The following ESR1 variants were observed in gnomAD, a reference collection of about 807,000 sequenced individuals.
The protein encoded by ESR1 is estrogen receptor 1, also known as estrogen receptor.
ESR1 carries 12 observed loss-of-function variants against 52.7 expected under a neutral mutation model. The ratio of observed to expected loss-of-function variants is 0.23; its 90% CI spans 0.15 to 0.37. The LOEUF (loss-of-function observed/expected upper bound fraction) is 0.37, where lower values mean the gene tolerates loss of function less well. ESR1 is among the 10% of genes least tolerant of loss of function. The pLI is 1.00. For synonymous variants in ESR1, 305 were observed against 316.8 expected (o/e 0.96, Z 0.39); for missense variants, 584 against 779.7 (o/e 0.75, Z 2.99).
chr6:151,981,915 A>G (rs536838162), intron 4 of ESR1, among the ~76,000 whole-genome samples: 1 of 152,346 alleles, frequency 6.6e-6, no homozygotes, highest in South Asian at 2.1e-4. Context: ...TCAGATGTAA[A>G]CATCAAGCTA....
chr6:151,670,738 T>TA (rs1399498651), intron 1 of ESR1, among the ~76,000 whole-genome samples: 1 of 150,506 alleles, frequency 6.6e-6, no homozygotes, highest in African/African-American at 2.4e-5. Flanking sequence ...CTTGCGCCGT[T>TA]ACACCCAGCT....
chr6:151,915,945 T>C lies in ESR1; in HGVS notation c.761-28228T>C, dbSNP rs544769677. 1.4e-3 allele frequency among the ~76,000 whole-genome samples: 206 copies of C among 152,284 alleles called. 2 individuals are homozygous for C. Among genetic ancestry groups the C allele is most frequent in the Non-Finnish European group, 9.4e-4 (64 of 68,020 alleles). On this transcript the variant is annotated intron_variant, in intron 3 of 7. Transcript: ENST00000206249. The stretch of plus-strand genomic sequence containing the variant: ...GACAAATATTCTGGAGCAGTATATA[T>C]TTAGCATTTGACATTTGATAAACAA...
chr6:151,668,719 C>T (rs1479449160), intron 1 of ESR1, among the ~76,000 whole-genome samples: 1 of 152,182 alleles, frequency 6.6e-6, no homozygotes, highest in Admixed American at 6.5e-5. Context: ...GGAGGGTGCA[C>T]ATTCAAACCA....
At chr6:151,736,644 G>A (rs921126779) in intron 2 of ESR1, among the ~76,000 whole-genome samples, 5 of 152,088 alleles carry the variant, frequency 3.3e-5, no homozygotes, top group African/African-American at 9.7e-5. Context: ...CTCCTAAAGT[G>A]CTGGTATTAC....
chr6:151,752,460 T>A (rs1443123101), intron 2 of ESR1, among the ~76,000 whole-genome samples: 1 of 149,126 alleles, frequency 6.7e-6, no homozygotes, highest in Non-Finnish European at 1.5e-5. Flanking sequence ...ATATCTATAC[T>A]GCAACTGCTT....
chr6:152,089,127 G>T (rs2049978155), intron 6 of ESR1, among the ~76,000 whole-genome samples: 1 of 152,136 alleles, frequency 6.6e-6, no homozygotes, highest in Non-Finnish European at 1.5e-5. Context: ...AAAAAAACAT[G>T]TAAGAGGCTA....
intron 2 of ESR1, among the ~76,000 whole-genome samples, chr6:151,774,266 T>G (rs2085456817): frequency 6.6e-6 from 1 of 152,252 alleles, no homozygotes; most frequent in Non-Finnish European, 1.5e-5. Context: ...TTGGTCACAT[T>G]GAAAGGTTCC....
chr6:152,077,960 G>A (rs3020378), intron 6 of ESR1, among the ~76,000 whole-genome samples: 1 of 152,016 alleles, frequency 6.6e-6, no homozygotes, highest in Non-Finnish European at 1.5e-5. Context: ...AGACTTTGGG[G>A]GACTGTTGGG....
At chr6:151,679,232 AG>A (rs1778366274) in intron 1 of ESR1, among the ~76,000 whole-genome samples, 1 of 152,142 alleles carries the variant, frequency 6.6e-6, no homozygotes, top group Non-Finnish European at 1.5e-5. Context: ...CATATCTCCA[AG>A]GCAATGCCTC....
intron 4 of ESR1, among the ~76,000 whole-genome samples, chr6:151,963,444 C>G (rs1351890527): frequency 6.6e-6 from 1 of 152,196 alleles, no homozygotes; most frequent in Non-Finnish European, 1.5e-5. Context: ...GTTGGTATCC[C>G]AAAGTGTGAA....
At chr6:151,967,695 T>C (rs2038427993) in intron 4 of ESR1, among the ~76,000 whole-genome samples, 1 of 152,230 alleles carries the variant, frequency 6.6e-6, no homozygotes, top group Non-Finnish European at 1.5e-5. Flanking sequence ...TTTGGGTATA[T>C]ACCCAGTAAT....
At chr6:152,122,593 C>A in intron 6 of ESR1, 1 of 1,614,176 alleles carries the variant, frequency 6.2e-7, no homozygotes, top group Non-Finnish European at 8.5e-7. Context: ...AAGAGCTGCT[C>A]GGAGGACTCT....
chr6:151,729,662 C>G (rs1782096989), intron 2 of ESR1, among the ~76,000 whole-genome samples: 1 of 152,112 alleles, frequency 6.6e-6, no homozygotes, highest in African/African-American at 2.4e-5. Context: ...CATGGCAAGC[C>G]TGTGTGGTAG....
chr6:152,009,516 G>A (rs912558035), intron 4 of ESR1, among the ~76,000 whole-genome samples: 4 of 152,032 alleles, frequency 2.6e-5, no homozygotes, highest in African/African-American at 9.7e-5. Context: ...TAAAACCACC[G>A]TTCCTGTGTG....
chr6:151,811,560 G>A (rs1778839712), intron 1 of ESR1, among the ~76,000 whole-genome samples: 1 of 152,068 alleles, frequency 6.6e-6, no homozygotes, highest in African/African-American at 2.4e-5. Context: ...CTGGCCATCT[G>A]CATATTTTGG....
At chr6:151,772,129 G>C (rs1346921026) in intron 2 of ESR1, among the ~76,000 whole-genome samples, 1 of 152,144 alleles carries the variant, frequency 6.6e-6, no homozygotes, top group Non-Finnish European at 1.5e-5. Context: ...GTTTCTAACA[G>C]GGCAGTACAC....
At chr6:151,930,921 G>A (rs1279134495) in intron 3 of ESR1, among the ~76,000 whole-genome samples, 3 of 152,116 alleles carry the variant, frequency 2.0e-5, no homozygotes, top group African/African-American at 7.2e-5. Context: ...ATGGTTAGGT[G>A]CTTCCCTGCC....
intron 5 of ESR1, among the ~76,000 whole-genome samples, chr6:152,018,544 G>T (rs2043347199): frequency 6.6e-6 from 1 of 151,972 alleles, no homozygotes; most frequent in African/African-American, 2.4e-5. Context: ...TGAAAAATGG[G>T]TGGTACACTC....
At chr6:151,952,383 A>G (rs2036423928) in intron 4 of ESR1, among the ~76,000 whole-genome samples, 1 of 151,946 alleles carries the variant, frequency 6.6e-6, no homozygotes, top group Non-Finnish European at 1.5e-5. Flanking sequence ...AAGTCAGACA[A>G]TCTCCTTGGC....
Sources: gnomAD v4.1 joint callset for allele counts (sites outside exome capture counted in the v4.1 genomes callset) on GRCh38, gnomAD v4.1.1 for gene constraint, MANE v1.5 for transcripts, NCBI Gene and HGNC (gene_info 2026-07-23, HGNC 2026-07-21) for gene names.